The following ACKR2 variants were observed in gnomAD, a reference collection of about 807,000 sequenced individuals.
ACKR2 encodes the protein C-C chemokine receptor D6.
For missense variants in ACKR2, 457 were observed against 477.3 expected, an observed-to-expected ratio of 0.96 and a Z score of 0.40; for synonymous variants, 207 against 192.2, an observed-to-expected ratio of 1.08 and a Z score of -0.64.
chr3:42,839,467 A>G (rs549778279), intron 2 of ACKR2, among the ~76,000 whole-genome samples: 4 of 152,258 alleles, frequency 2.6e-5, no homozygotes, highest in African/African-American at 9.6e-5. Context: ...CATTTTTTGC[A>G]TATTTGCCCA....
In ACKR2 at chr3:42,852,147, T is replaced by A. The variant is rs531956255; in HGVS notation, c.-37-12319T>A. ...GAGAGGTTAAATAATGAGCTCGGAG[T>A]TGCACAGCCATTAAGAAGTGAGTTA... On this transcript the variant is annotated intron_variant, in intron 2 of 2. Transcript: ENST00000422265. The surrounding 1 kb of genome is among the most constrained non-coding windows in gnomAD (Gnocchi z 4.3). 6.6e-6 allele frequency among the ~76,000 whole-genome samples: 1 copy of A among 152,198 alleles called. No homozygotes were observed. Among genetic ancestry groups the A allele is most frequent in the South Asian group, 2.1e-4 (1 of 4,822 alleles).
At chr3:42,820,120 T>A (rs1700794916) in intron 2 of ACKR2, among the ~76,000 whole-genome samples, 1 of 152,258 alleles carries the variant, frequency 6.6e-6, no homozygotes, top group African/African-American at 2.4e-5. Flanking sequence ...ATAAATGTAG[T>A]TGACATCTAA....
intron 2 of ACKR2, chr3:42,856,357 T>TC: frequency 2.8e-6 from 2 of 702,462 alleles, no homozygotes. Flanking sequence ...CAGGGCTCCC[T>TC]CAGGAGAGGT....
chr3:42,857,981 T>C (rs1345550342), intron 2 of ACKR2, among the ~76,000 whole-genome samples: 2 of 152,194 alleles, frequency 1.3e-5, no homozygotes, highest in Non-Finnish European at 2.9e-5. Flanking sequence ...AGATTCCTCC[T>C]CTCCGGGCAG....
chr3:42,834,387 G>A (rs1341942244), intron 2 of ACKR2, among the ~76,000 whole-genome samples: 1 of 151,714 alleles, frequency 6.6e-6, no homozygotes, highest in Non-Finnish European at 1.5e-5. Context: ...TTTTTTTTCG[G>A]TAGGGAAGAC....
Position 42,860,189 on chromosome 3 carries a change from A to AAAAAAAAAAAAAAAAAAAC in ACKR2, c.-37-4277_-37-4276insAAAAAAAAAAAAAAAAAAC, listed in dbSNP as rs376833790. 4.7e-4 allele frequency among the ~76,000 whole-genome samples: 53 copies of AAAAAAAAAAAAAAAAAAAC among 111,630 alleles called. 8 individuals carry two copies. The highest frequency in any genetic ancestry group is 4.7e-3 in the Middle Eastern group (1 of 212). 73.2% of individuals were successfully genotyped at this position (111,630 alleles called of 152,430 possible). The stretch of plus-strand genomic sequence containing the variant: ...CAAAAAAAAAAAAAAAAAAAAAAAA[A>AAAAAAAAAAAAAAAAAAAC]GCAGGGGATGCAATCCTAGTCTCTG... On this transcript the variant is annotated intron_variant, in intron 2 of 2. Coordinates refer to ENST00000422265, the MANE Select transcript of ACKR2 (RefSeq NM_001296.5).
chr3:42,845,332 A>C (rs1425437209), intron 2 of ACKR2, among the ~76,000 whole-genome samples: 1 of 152,210 alleles, frequency 6.6e-6, no homozygotes, highest in Non-Finnish European at 1.5e-5. Flanking sequence ...GAGCAGAAGA[A>C]AAGTGAATGG....
intron 2 of ACKR2, among the ~76,000 whole-genome samples, chr3:42,834,357 G>A (rs1254489922): frequency 1.3e-5 from 2 of 152,070 alleles, no homozygotes; most frequent in African/African-American, 2.4e-5. Context: ...GAACCTAATG[G>A]ATAAATGTTG....
At chr3:42,847,053 T>G (rs1701106195) in intron 2 of ACKR2, among the ~76,000 whole-genome samples, 2 of 152,232 alleles carry the variant, frequency 1.3e-5, no homozygotes, top group Non-Finnish European at 2.9e-5. Context: ...CTGGCAACCC[T>G]GTCTGCAAAA....
chr3:42,828,390 C>T (rs538096044), intron 2 of ACKR2, among the ~76,000 whole-genome samples: 7 of 152,052 alleles, frequency 4.6e-5, no homozygotes, highest in East Asian at 1.9e-4. Context: ...GGATTACAGG[C>T]GTGAGCCACC....
chr3:42,850,437 G>A (rs552796198), intron 2 of ACKR2, among the ~76,000 whole-genome samples: 9 of 152,260 alleles, frequency 5.9e-5, no homozygotes, highest in Admixed American at 5.9e-4. Context: ...TAAATGCAGA[G>A]CCAGGTCCAA....
intron 2 of ACKR2, among the ~76,000 whole-genome samples, chr3:42,849,750 ACT>A (rs1486888580): frequency 6.6e-6 from 1 of 152,068 alleles, no homozygotes; most frequent in Non-Finnish European, 1.5e-5. Context: ...ATTGGCTGAA[ACT>A]CTGTAATTGG....
chr3:42,812,792 T>G (rs1700709433), intron 1 of ACKR2, among the ~76,000 whole-genome samples: 2 of 138,792 alleles, frequency 1.4e-5, no homozygotes, highest in South Asian at 4.9e-4. Flanking sequence ...GCTCAAGTGA[T>G]CCTCTTGCCT....
At chr3:42,849,368 G>C (rs1027692230) in intron 2 of ACKR2, among the ~76,000 whole-genome samples, 2 of 152,046 alleles carry the variant, frequency 1.3e-5, no homozygotes, top group Non-Finnish European at 2.9e-5. Flanking sequence ...CGGGCATGGT[G>C]GTGGGCACCT....
intron 2 of ACKR2, among the ~76,000 whole-genome samples, chr3:42,862,262 T>C (rs1171355556): frequency 6.6e-6 from 1 of 152,140 alleles, no homozygotes; most frequent in Non-Finnish European, 1.5e-5. Context: ...CATTCACAAA[T>C]GCTACAAAGA....
intron 2 of ACKR2, among the ~76,000 whole-genome samples, chr3:42,824,355 A>G (rs1027081525): frequency 6.6e-6 from 1 of 152,194 alleles, no homozygotes; most frequent in African/African-American, 2.4e-5. Context: ...TGGAACCCAT[A>G]TGAATACAGA....
intron 2 of ACKR2, chr3:42,856,031 A>G (rs770481029): frequency 5.2e-5 from 14 of 270,516 alleles, no homozygotes; most frequent in Non-Finnish European, 8.9e-5. Flanking sequence ...TACTCCTCAC[A>G]TCCTCCTTCT....
At chr3:42,826,127 T>C (rs1208484225) in intron 2 of ACKR2, among the ~76,000 whole-genome samples, 6 of 152,158 alleles carry the variant, frequency 3.9e-5, no homozygotes, top group African/African-American at 1.2e-4. Flanking sequence ...ATATCTGTAG[T>C]TGGATTTGGG....
At chr3:42,841,176 A>T (rs2114883) in intron 2 of ACKR2, among the ~76,000 whole-genome samples, 1 of 152,080 alleles carries the variant, frequency 6.6e-6, no homozygotes, top group Non-Finnish European at 1.5e-5. Context: ...TAAAAAAATT[A>T]TAGTATAGCG....
Sources: gnomAD v4.1 joint callset for allele counts (sites outside exome capture counted in the v4.1 genomes callset) on GRCh38, gnomAD v4.1.1 for gene constraint, Gnocchi (gnomAD v3.1) non-coding constraint, MANE v1.5 for transcripts, NCBI Gene and HGNC (gene_info 2026-07-23, HGNC 2026-07-21) for gene names.